The following AGBL4 variants were observed in gnomAD, a reference collection of about 807,000 sequenced individuals.
AGBL4 encodes the protein AGBL carboxypeptidase 4, also known as cytosolic carboxypeptidase 6.
AGBL4 carries 58 observed loss-of-function variants against 66.4 expected under a neutral mutation model. That is an observed-to-expected ratio of 0.87 (90% CI 0.71 to 1.09). The LOEUF is 1.09. AGBL4 is among the 50% of genes least tolerant of loss of function. The pLI is 0.00. For synonymous variants in AGBL4, 234 were observed against 222.9 expected (o/e 1.05, Z -0.44); for missense variants, 579 against 631.0 (o/e 0.92, Z 0.88).
At chr1:48,800,348 C>T (rs769186046) in intron 6 of AGBL4, among the ~76,000 whole-genome samples, 11 of 152,098 alleles carry the variant, frequency 7.2e-5, no homozygotes, top group African/African-American at 1.2e-4. Context: ...CGTAATAGCT[C>T]CTGTTTCATT....
At chr1:49,901,770 A>G (rs529047951) in intron 1 of AGBL4, among the ~76,000 whole-genome samples, 11 of 152,312 alleles carry the variant, frequency 7.2e-5, no homozygotes, top group Non-Finnish European at 1.3e-4. Context: ...GAGGCATCAC[A>G]TTATCCAACT....
chr1:49,158,587 C>G (rs867742271), intron 4 of AGBL4, among the ~76,000 whole-genome samples: 5 of 151,828 alleles, frequency 3.3e-5, no homozygotes, highest in African/African-American at 4.8e-5. Context: ...TTATTTTTGC[C>G]TGGTCAAGAG....
intron 5 of AGBL4, among the ~76,000 whole-genome samples, chr1:49,002,279 C>T (rs1345358873): frequency 6.6e-6 from 1 of 152,164 alleles, no homozygotes; most frequent in Admixed American, 6.5e-5. Flanking sequence ...CCTAGGATGA[C>T]TAACATGGGC....
chr1:48,676,973 A>G (rs1225945490), intron 6 of AGBL4, among the ~76,000 whole-genome samples: 1 of 152,128 alleles, frequency 6.6e-6, no homozygotes, highest in Admixed American at 6.5e-5. Context: ...AGCTTGGCCC[A>G]GGCTCTCTGC....
At chr1:48,627,729 A>G (rs1157104335) in intron 9 of AGBL4, among the ~76,000 whole-genome samples, 6 of 152,180 alleles carry the variant, frequency 3.9e-5, no homozygotes, top group Non-Finnish European at 5.9e-5. Flanking sequence ...CAACACAGGC[A>G]GCAGCTGAGG....
chr1:49,086,246 A>G (rs1202464421), intron 4 of AGBL4, among the ~76,000 whole-genome samples: 1 of 152,114 alleles, frequency 6.6e-6, no homozygotes, highest in African/African-American at 2.4e-5. Context: ...TAGTCAGACA[A>G]TAGGGTAGGC....
At chr1:49,547,546 T>C (rs1027098479) in intron 3 of AGBL4, among the ~76,000 whole-genome samples, 2 of 152,152 alleles carry the variant, frequency 1.3e-5, no homozygotes, top group African/African-American at 4.8e-5. Context: ...TAAAGAATGA[T>C]GGTGGTATTT....
intron 4 of AGBL4, among the ~76,000 whole-genome samples, chr1:49,140,760 A>T (rs973471410): frequency 2.6e-5 from 4 of 152,228 alleles, no homozygotes; most frequent in Non-Finnish European, 5.9e-5. Flanking sequence ...CTGTCAGGGT[A>T]ATATGACATG....
chr1:48,828,313 C>G (rs1390322907), intron 6 of AGBL4, among the ~76,000 whole-genome samples: 1 of 152,176 alleles, frequency 6.6e-6, no homozygotes, highest in Non-Finnish European at 1.5e-5. Context: ...TCTCTGGCAG[C>G]AGCTGAGTCT....
intron 4 of AGBL4, among the ~76,000 whole-genome samples, chr1:49,087,338 G>T (rs540044761): frequency 6.6e-6 from 1 of 152,170 alleles, no homozygotes; most frequent in South Asian, 2.1e-4. Flanking sequence ...AATATCTAAG[G>T]ACTACAATAA....
At chr1:48,980,552 G>C (rs914757023) in intron 5 of AGBL4, among the ~76,000 whole-genome samples, 8 of 151,474 alleles carry the variant, frequency 5.3e-5, no homozygotes, top group African/African-American at 1.7e-4. Context: ...GGAGACACTT[G>C]AGCTGGGCAT....
intron 1 of AGBL4, among the ~76,000 whole-genome samples, chr1:49,880,034 G>C (rs1056382476): frequency 1.6e-4 from 24 of 151,056 alleles, no homozygotes; most frequent in Non-Finnish European, 1.9e-4. Context: ...GCACTTCTCT[G>C]TATTGGTTAT....
intron 3 of AGBL4, among the ~76,000 whole-genome samples, chr1:49,658,966 A>G (rs1264013405): frequency 6.6e-6 from 1 of 152,162 alleles, no homozygotes; most frequent in Admixed American, 6.5e-5. Context: ...TATGTAACAA[A>G]CCTGCATGCT....
intron 3 of AGBL4, among the ~76,000 whole-genome samples, chr1:49,583,479 T>C (rs1262020337): frequency 6.6e-6 from 1 of 152,162 alleles, no homozygotes; most frequent in Non-Finnish European, 1.5e-5. Context: ...GTCATCAAAA[T>C]TACTGATTTT....
chr1:49,226,976 A>G (rs907524001), intron 4 of AGBL4, among the ~76,000 whole-genome samples: 1 of 152,102 alleles, frequency 6.6e-6, no homozygotes, highest in African/African-American at 2.4e-5. Context: ...TCACATGGAG[A>G]AAGAGGCAGC....
At chr1:49,840,684 C>T (rs1355340156) in intron 2 of AGBL4, among the ~76,000 whole-genome samples, 2 of 152,188 alleles carry the variant, frequency 1.3e-5, no homozygotes, top group African/African-American at 4.8e-5. Context: ...ATCAAGCAGG[C>T]TTTATTCCCA....
intron 3 of AGBL4, among the ~76,000 whole-genome samples, chr1:49,497,789 A>C (rs1647742095): frequency 6.6e-6 from 1 of 151,862 alleles, no homozygotes; most frequent in African/African-American, 2.4e-5. Flanking sequence ...ACTATAACAC[A>C]TTTTAAAATC....
chr1:49,196,456 C>T lies in AGBL4; in HGVS notation c.377+49314G>A, dbSNP rs1237090655. On this transcript the variant is annotated intron_variant, in intron 4 of 13. Transcript: ENST00000371839. ...TGTATTGGTTTTCAGATTTCTCTTG[C>T]ACCTCATTGAGATTCTCTGAAATCA... 2.0e-5 allele frequency among the ~76,000 whole-genome samples: 3 copies of T among 152,132 alleles called. No homozygotes were observed. In the East Asian group the frequency reaches 5.8e-4, roughly 29 times the overall value.
chr1:49,322,833 T>C (rs1645155146), intron 3 of AGBL4, among the ~76,000 whole-genome samples: 1 of 152,212 alleles, frequency 6.6e-6, no homozygotes, highest in African/African-American at 2.4e-5. Context: ...ATTTGTTGCA[T>C]TATCCTGAGA....
Sources: allele counts gnomAD v4.1 joint callset (sites outside exome capture counted in the v4.1 genomes callset), GRCh38; gene constraint gnomAD v4.1.1; transcripts MANE v1.5; gene names NCBI Gene and HGNC (gene_info 2026-07-23, HGNC 2026-07-21).